The following WDR11 variants were observed in gnomAD, a reference collection of about 807,000 sequenced individuals.
The protein encoded by WDR11 is WD repeat domain 11.
Under a neutral mutation model 151.2 loss-of-function variants are expected in WDR11, and 83 were observed. That is an observed-to-expected ratio of 0.55 (90% CI 0.46 to 0.66). The LOEUF is 0.66. Among genes scored for constraint, WDR11 ranks in the 30% least tolerant of loss-of-function variants. WDR11 has a pLI of 0.00. For missense variants in WDR11, 1,301 were observed against 1,480.9 expected, an observed-to-expected ratio of 0.88 and a Z score of 1.99; for synonymous variants, 484 against 533.1, an observed-to-expected ratio of 0.91 and a Z score of 1.27.
Position 120,907,527 on chromosome 10 carries a change from C to T in WDR11, c.3517+672C>T, listed in dbSNP as rs375900628. 15 of 152,382 alleles carry T rather than the reference C, an allele frequency of 9.8e-5. No homozygotes were observed. The East Asian group carries it at 2.3e-3, about 24-fold the overall frequency. 9.4% of individuals were successfully genotyped at this position (152,382 alleles called of 1,614,324 possible). A position where few individuals can be genotyped will look rare whatever the true frequency, so the allele number is the denominator to read the frequency against. Reference sequence around the variant, plus strand: ...CACTGCACTTTGCTTCAAATTCTTACATTTGCTCTCATTTCTACATGGCAG... The same window carrying T: ...CACTGCACTTTGCTTCAAATTCTTATATTTGCTCTCATTTCTACATGGCAG... On this transcript the variant is annotated intron_variant, in intron 28 of 28. Coordinates refer to ENST00000263461, the MANE Select transcript of WDR11 (RefSeq NM_018117.12).
At position 120,890,774 on chromosome 10, in the gene WDR11, T is replaced by C. The variant is rs374177910; in HGVS notation, c.2402T>C (p.Val801Ala). The change falls in exon 19 of 29, where the codon GTG becomes GCG. Residue 801 changes from valine (V) to alanine (A), a missense_variant. Physicochemically the swap from Val to Ala is moderately conservative, Grantham distance 64. Around this residue, in one of 3 missense-constraint regions of WDR11, gnomAD observed 589 missense variants for 670.6 expected, o/e 0.88. Transcript: ENST00000263461. ...AATGTGACCTTTCGTATATTGGATG[T>C]GGACTGGTGTACGTCAGATAAAGTG... The part of the protein sequence containing the change: ...GRNVTFRILD[V>A]DWCTSDKVIL... 3 of 1,614,096 alleles carry C rather than the reference T, an allele frequency of 1.9e-6. No homozygotes were observed. The highest frequency in any genetic ancestry group is 2.5e-6 in the Non-Finnish European group (3 of 1,180,042).
Position 120,852,958 on chromosome 10 carries a change from G to A in WDR11, c.198+323G>A, listed in dbSNP as rs41287984. On this transcript the variant is annotated intron_variant, in intron 2 of 28. Coordinates refer to ENST00000263461, the MANE Select transcript of WDR11 (RefSeq NM_018117.12). ...CCTCAGATAATTCTCCATCTTATAA[G>A]GAAGACTCACAGCGTGATAGTGTGA... is the stretch of plus-strand genomic sequence containing the variant. Among the ~76,000 whole-genome samples, 23,239 of 152,186 alleles carry A rather than the reference G, an allele frequency of 0.15. 2,145 individuals carry two copies. The highest frequency in any genetic ancestry group is 0.21 in the Middle Eastern group (61 of 294).
intron 19 of WDR11, among the ~76,000 whole-genome samples, chr10:120,893,333 A>T (rs1270078197): frequency 2.6e-5 from 4 of 152,116 alleles, no homozygotes; most frequent in Non-Finnish European, 5.9e-5. Flanking sequence ...GTCCCTACAA[A>T]TGACATGAAC....
intron 9 of WDR11, among the ~76,000 whole-genome samples, chr10:120,869,391 G>T (rs1178145401): frequency 6.6e-6 from 1 of 152,138 alleles, no homozygotes; most frequent in Non-Finnish European, 1.5e-5. Context: ...GGGATTACAG[G>T]CGTGAGCCAC....
intron 9 of WDR11, among the ~76,000 whole-genome samples, chr10:120,869,105 GGTTTTTT>G (rs1846422799): frequency 1.4e-5 from 1 of 71,634 alleles, no homozygotes; most frequent in Non-Finnish European, 3.3e-5. Context: ...ATAAATTACA[GGTTTTTT>G]TTTTTTTTTT....
chr10:120,890,187 G>GATTT (rs71929750), intron 18 of WDR11, among the ~76,000 whole-genome samples, 178 bp downstream of exon 18: 1,556 of 151,056 alleles, frequency 0.01, 28 homozygotes, highest in African/African-American at 0.03. Flanking sequence ...AACAACTCAA[G>GATTT]ATTTATTTAT....
Position 120,880,644 on chromosome 10 carries a change from G to C in WDR11, c.1664-182G>C. 7 of 576,526 alleles carry C rather than the reference G, an allele frequency of 1.2e-5. 1 individual carries two copies. The South Asian group carries it at 1.4e-4, about 12-fold the overall frequency. 35.7% of individuals were successfully genotyped at this position (576,526 alleles called of 1,614,324 possible). On this transcript the variant is annotated intron_variant, in intron 12 of 28. Coordinates refer to ENST00000263461, the MANE Select transcript of WDR11 (RefSeq NM_018117.12). ...ATTGCACTCCAGCCTGGGTAACAAA[G>C]TGAGACCATCTCAAAAAAAAAAACC...
At chr10:120,862,467 C>A in intron 4 of WDR11, 1 of 329,860 alleles carries the variant, frequency 3.0e-6, no homozygotes, top group Admixed American at 4.5e-5. Flanking sequence ...GAAGAACAAA[C>A]ACTTGTTCTT....
intron 6 of WDR11, 90 bp from the exon 7 acceptor site, chr10:120,865,540 C>A: frequency 1.2e-6 from 1 of 863,910 alleles, no homozygotes; most frequent in Non-Finnish European, 1.8e-6. Flanking sequence ...TTTCTTTTGC[C>A]CATATTATCT....
intron 11 of WDR11, among the ~76,000 whole-genome samples, chr10:120,874,176 GTTTT>G (rs66873217): frequency 0.013 from 1,084 of 83,512 alleles, 22 homozygotes; most frequent in Non-Finnish European, 0.017. Context: ...GGTTTTTGCA[GTTTT>G]TTTTTTTTTT....
At chr10:120,858,030 G>T (rs1248073376) in intron 2 of WDR11, among the ~76,000 whole-genome samples, 1 of 152,096 alleles carries the variant, frequency 6.6e-6, no homozygotes, top group Non-Finnish European at 1.5e-5. Flanking sequence ...CCCTTATTCT[G>T]TCAGTATTCA....
intron 9 of WDR11, among the ~76,000 whole-genome samples, chr10:120,870,063 C>T (rs997108379): frequency 1.2e-4 from 18 of 152,304 alleles, no homozygotes; most frequent in Non-Finnish European, 1.3e-4. Context: ...TCTGGGATTA[C>T]AGGCGTGAGC....
intron 5 of WDR11, among the ~76,000 whole-genome samples, chr10:120,863,972 T>C (rs1478021564): frequency 6.6e-6 from 1 of 152,182 alleles, no homozygotes; most frequent in Admixed American, 6.5e-5. Flanking sequence ...AAGAAATTAT[T>C]TGGCAGTCTG....
intron 18 of WDR11, 150 bp downstream of exon 18, chr10:120,890,159 T>A: frequency 4.9e-6 from 3 of 609,912 alleles, no homozygotes; most frequent in Non-Finnish European, 8.8e-6. Flanking sequence ...TACTTTACAG[T>A]ATTTGTGTTC....
rs1170867459 is a variant in WDR11 at position 120,851,394 on chromosome 10, C to A, written c.-27C>A. 2 of 1,595,326 alleles carry A rather than the reference C, an allele frequency of 1.3e-6. No individual in the cohort carries two copies. The highest frequency in any genetic ancestry group is 8.5e-7 in the Non-Finnish European group (1 of 1,170,960). On this transcript the variant is annotated 5_prime_UTR_variant, in exon 1 of 29. Transcript: ENST00000263461. ...CCGCCGCTTCCTGGTTGCGGGTCAG[C>A]GCCCAGGTCCTGGGCTGGCCGCCGG...
intron 21 of WDR11, 103 bp from the exon 22 acceptor site, chr10:120,902,154 A>T: frequency 1.0e-6 from 1 of 952,724 alleles, no homozygotes; most frequent in Non-Finnish European, 1.7e-6. Flanking sequence ...TAAACATGTT[A>T]TTTGACTGGA....
chr10:120,862,919 T>C lies in WDR11; in HGVS notation c.711T>C (p.Pro237=), dbSNP rs1408165434. 1.9e-6 allele frequency: 3 copies of C among 1,598,360 alleles called. No individual in the cohort carries two copies. Among genetic ancestry groups the C allele is most frequent in the Non-Finnish European group, 2.6e-6 (3 of 1,165,856 alleles). The change falls in exon 5 of 29, where the codon CCT becomes CCC. Residue 237 remains proline, a splice_region_variant and synonymous_variant. Transcript: ENST00000263461. ...KVKILITQEK[P]SAEFITLNDC... is the part of the protein sequence containing the mutation. ...AAATTTTAATCACTCAAGAGAAACC[T>C]AGGTAAGTTACAAGTGTAAAATTAA...
intron 9 of WDR11, among the ~76,000 whole-genome samples, chr10:120,868,438 C>G (rs1344537196): frequency 4.6e-5 from 7 of 151,964 alleles, no homozygotes; most frequent in Admixed American, 4.6e-4. Context: ...ACCTGGGCAA[C>G]AGAGCGAGAC....
chr10:120,852,819 A>G (rs1019866429), intron 2 of WDR11, among the ~76,000 whole-genome samples, 184 bp downstream of exon 2: 1 of 152,246 alleles, frequency 6.6e-6, no homozygotes, highest in Non-Finnish European at 1.5e-5. Context: ...GAGTTATTAA[A>G]TGCTAGTTGT....
Sources: gnomAD v4.1 joint callset for allele counts (sites outside exome capture counted in the v4.1 genomes callset) on GRCh38, gnomAD v4.1.1 for gene constraint, gnomAD v4.1.1 regional missense constraint, MANE v1.5 for transcripts, NCBI Gene and HGNC (gene_info 2026-07-23, HGNC 2026-07-21) for gene names.